The following NTN4 variants were observed in gnomAD, a reference collection of about 807,000 sequenced individuals.
NTN4 encodes the protein netrin-4.
A neutral mutation model predicts 73.6 loss-of-function variants in NTN4; 32 were observed. That is an observed-to-expected ratio of 0.44 (90% CI 0.33 to 0.58). The LOEUF (loss-of-function observed/expected upper bound fraction) is 0.58, where lower values mean the gene tolerates loss of function less well. NTN4 is among the 20% of genes least tolerant of loss of function. The pLI is 0.04. For synonymous variants in NTN4, 258 were observed against 287.5 expected, an observed-to-expected ratio of 0.90 and a Z score of 1.04; for missense variants, 654 against 798.3, an observed-to-expected ratio of 0.82 and a Z score of 2.18.
intron 2 of NTN4, among the ~76,000 whole-genome samples, chr12:95,757,871 A>G (rs761554299): frequency 3.9e-5 from 6 of 152,174 alleles, no homozygotes; most frequent in Non-Finnish European, 7.4e-5. Flanking sequence ...ACAGAAGACT[A>G]TTGAGAGCTT....
At chr12:95,725,512 T>A (rs1181066606) in intron 3 of NTN4, among the ~76,000 whole-genome samples, 6 of 152,216 alleles carry the variant, frequency 3.9e-5, no homozygotes, top group Non-Finnish European at 8.8e-5. Flanking sequence ...ACAAAGATTT[T>A]TTTAAAGATC....
At chr12:95,729,989 C>T (rs1035637877) in intron 3 of NTN4, among the ~76,000 whole-genome samples, 3 of 152,060 alleles carry the variant, frequency 2.0e-5, no homozygotes, top group Non-Finnish European at 4.4e-5. Context: ...AGGTTCCCAG[C>T]TATTCACAGA....
rs910934127 is a variant in NTN4, at chr12:95,659,115, T to C, written c.1858A>G (p.Met620Val). Residue 620 changes from methionine (M) to valine (V), a missense_variant, in exon 10 of 10, where the codon ATG becomes GTG. Coordinates refer to ENST00000343702, the MANE Select transcript of NTN4 (RefSeq NM_021229.4). ...HWKPSLGRKV[M>V]DILKRECK ...TTGCACTCTCTTTTTAAAATATCCA[T>C]GACTTTTCTTCCAAGAGAAGGTTTC... The C allele has an allele frequency of 1.2e-6, 2 of 1,613,462 alleles. No homozygotes were observed. Among genetic ancestry groups the C allele is most frequent in the African/African-American group, 2.7e-5 (2 of 74,918 alleles).
intron 2 of NTN4, among the ~76,000 whole-genome samples, chr12:95,741,839 A>G (rs2078829377): frequency 6.6e-6 from 1 of 152,032 alleles, no homozygotes; most frequent in South Asian, 2.1e-4. Context: ...GGTTACTGAA[A>G]CCACGGTAAG....
Position 95,695,855 on chromosome 12 carries a change from T to C in NTN4, c.1181-12144A>G, listed in dbSNP as rs1359429727. On this transcript the variant is annotated intron_variant, in intron 5 of 9. Transcript: ENST00000343702. ...TAATTAAAACTGAAGAAAGCACTTT[T>C]GCATATACAGACAAATTTTATCATG... 3.9e-5 allele frequency among the ~76,000 whole-genome samples: 6 copies of C among 152,358 alleles called. No homozygotes were observed. The East Asian group carries it at 1.2e-3, about 29-fold the overall frequency.
At chr12:95,693,445 T>C (rs2078416751) in intron 5 of NTN4, among the ~76,000 whole-genome samples, 1 of 151,936 alleles carries the variant, frequency 6.6e-6, no homozygotes, top group Admixed American at 6.6e-5. Flanking sequence ...AAAATTAACT[T>C]ATTGGCCAGG....
At position 95,776,418 on chromosome 12, in the gene NTN4, G is replaced by T. The variant is rs144427266; in HGVS notation, c.585+10521C>A. 7.7e-4 allele frequency among the ~76,000 whole-genome samples: 117 copies of T among 152,260 alleles called. No individual in the cohort carries two copies. The Middle Eastern group carries it at 0.01, about 13-fold the overall frequency. ...AAAGAAGTTAAAAACCTTGGAAAAA[G>T]ATTAGACGAATGGCTAACTAGAATA... is the stretch of plus-strand genomic sequence containing the variant. On this transcript the variant is annotated intron_variant, in intron 2 of 9. Transcript: ENST00000343702.
chr12:95,764,486 G>A (rs536124540), intron 2 of NTN4, among the ~76,000 whole-genome samples: 3 of 152,250 alleles, frequency 2.0e-5, no homozygotes, highest in African/African-American at 4.8e-5. Flanking sequence ...CCAACATGGC[G>A]AAACCCCGTC....
intron 4 of NTN4, among the ~76,000 whole-genome samples, chr12:95,712,332 GA>G (rs559084082): frequency 7.4e-5 from 11 of 149,574 alleles, no homozygotes; most frequent in African/African-American, 2.7e-4. Flanking sequence ...ATCATAAAGT[GA>G]AAAAAAAAGG....
chr12:95,674,513 T>TA lies in NTN4; in HGVS notation c.1511-4368dup, dbSNP rs534556539. ...TAGTTATGCTAGGTTATTAGGACAT[T>TA]AAAAAAAAAAAGAGCATTGTTTACA... On this transcript the variant is annotated intron_variant, in intron 7 of 9. Coordinates refer to ENST00000343702, the MANE Select transcript of NTN4 (RefSeq NM_021229.4). Among the ~76,000 whole-genome samples the TA allele has an allele frequency of 7.5e-3, 1,089 of 145,762 alleles. 10 individuals carry two copies. The highest frequency in any genetic ancestry group is 0.015 in the African/African-American group (581 of 40,012).
intron 2 of NTN4, among the ~76,000 whole-genome samples, chr12:95,754,448 A>C (rs1349727561): frequency 6.6e-6 from 1 of 152,190 alleles, no homozygotes; most frequent in Non-Finnish European, 1.5e-5. Context: ...TTAATATAAG[A>C]AGGCAGGAAT....
intron 2 of NTN4, among the ~76,000 whole-genome samples, chr12:95,764,531 G>A (rs761927362): frequency 1.8e-4 from 27 of 152,232 alleles, no homozygotes; most frequent in African/African-American, 4.1e-4. Flanking sequence ...TGTGCATGGC[G>A]TCAGGCACCT....
intron 2 of NTN4, among the ~76,000 whole-genome samples, chr12:95,774,822 T>G (rs2079080513): frequency 6.6e-6 from 1 of 152,210 alleles, no homozygotes; most frequent in Non-Finnish European, 1.5e-5. Context: ...AATGAATCAG[T>G]CCATAAGTTA....
intron 2 of NTN4, among the ~76,000 whole-genome samples, chr12:95,763,197 GA>G (rs1161133332): frequency 1.3e-5 from 2 of 152,096 alleles, no homozygotes; most frequent in Non-Finnish European, 2.9e-5. Context: ...CCTAATTCTT[GA>G]AAATTGATCT....
At position 95,790,008 on chromosome 12, in the gene NTN4, A is replaced by C; in HGVS notation, c.55+247T>G. 1 of 414,536 alleles carries C rather than the reference A, an allele frequency of 2.4e-6. No homozygotes were observed. Among genetic ancestry groups the C allele is most frequent in the Non-Finnish European group, 4.3e-6 (1 of 233,218 alleles). 25.7% of individuals were successfully genotyped at this position (414,536 alleles called of 1,614,324 possible). A position where few individuals can be genotyped will look rare whatever the true frequency, so the allele number is the denominator to read the frequency against. ...CCAAGAAAGAAACCCCGGTCGCAGT[A>C]TCCCCGGCAGGGCGCACCCAGGATA... On this transcript the variant is annotated intron_variant, in intron 1 of 9. Coordinates refer to ENST00000343702, the MANE Select transcript of NTN4 (RefSeq NM_021229.4). The surrounding 1 kb of genome is among the most constrained non-coding windows in gnomAD (Gnocchi z 6.5).
In NTN4 at chr12:95,772,447, C is replaced by G. The variant is rs78879109; in HGVS notation, c.585+14492G>C. On this transcript the variant is annotated intron_variant, in intron 2 of 9. Transcript: ENST00000343702. The stretch of plus-strand genomic sequence containing the variant: ...TTTCTCTTTTTTTAATCCATACTCA[C>G]TCCCTTGGCAATCTCATCCAGCTTC... Among the ~76,000 whole-genome samples, 1,133 of 152,288 alleles carry G rather than the reference C, an allele frequency of 7.4e-3. 45 individuals carry two copies. The East Asian group carries it at 0.1, about 14-fold the overall frequency.
At chr12:95,686,507 C>T (rs917477328) in intron 5 of NTN4, among the ~76,000 whole-genome samples, 1 of 149,744 alleles carries the variant, frequency 6.7e-6, no homozygotes, top group African/African-American at 2.5e-5. Flanking sequence ...ACCTGTAATC[C>T]CTGCACGTTG....
rs140218155 is a variant in NTN4, at chr12:95,662,666, C to T, written c.1750+3144G>A. 6.4e-4 allele frequency among the ~76,000 whole-genome samples: 97 copies of T among 152,182 alleles called. 1 individual carries two copies. Among genetic ancestry groups the T allele is most frequent in the African/African-American group, 2.3e-3 (96 of 41,520 alleles). ...GTACAATGTAAAATGAATGAAAAGG[C>T]ATTTAAATTATAAAAGGCAACCTTA... is the stretch of plus-strand genomic sequence containing the variant. On this transcript the variant is annotated intron_variant, in intron 9 of 9. Coordinates refer to ENST00000343702, the MANE Select transcript of NTN4 (RefSeq NM_021229.4).
rs761008318 is a variant in NTN4 at position 95,683,484 on chromosome 12, C to T, written c.1394+14G>A. ...AAATACATGCAGCTGAGAGCAAGAG[C>T]CTTGCACATTCACCTGCTGATGCAG... On this transcript the variant is annotated intron_variant, in intron 6 of 9. Coordinates refer to ENST00000343702, the MANE Select transcript of NTN4 (RefSeq NM_021229.4). 2 of 1,607,564 alleles carry T rather than the reference C, an allele frequency of 1.2e-6. No individual in the cohort carries two copies. The highest frequency in any genetic ancestry group is 3.3e-5 in the Admixed American group (2 of 60,008).
Sources: allele counts gnomAD v4.1 joint callset (sites outside exome capture counted in the v4.1 genomes callset), GRCh38; gene constraint gnomAD v4.1.1; non-coding constraint Gnocchi (gnomAD v3.1); transcripts MANE v1.5; gene names NCBI Gene and HGNC (gene_info 2026-07-23, HGNC 2026-07-21).